EDIL3: variants seen among roughly 807,000 people sequenced by gnomAD.
EDIL3 encodes EGF like and discoidin domains 3, also known as EGF-like repeat and discoidin I-like domain-containing protein 3.
Under a neutral mutation model 67.4 loss-of-function variants are expected in EDIL3, and 37 were observed. That is an observed-to-expected ratio of 0.55 (90% CI 0.42 to 0.72). The LOEUF is 0.72. Among genes scored for constraint, EDIL3 ranks in the 30% least tolerant of loss-of-function variants. The pLI is 0.00. For missense variants in EDIL3, 527 were observed against 586.3 expected, an observed-to-expected ratio of 0.90 and a Z score of 1.04; for synonymous variants, 195 against 196.3, an observed-to-expected ratio of 0.99 and a Z score of 0.05.
At chr5:84,265,022 T>G (rs1257384031) in intron 1 of EDIL3, among the ~76,000 whole-genome samples, 1 of 152,204 alleles carries the variant, frequency 6.6e-6, no homozygotes, top group East Asian at 1.9e-4. Flanking sequence ...TTGGTTAACT[T>G]GATCACTTAT....
At chr5:84,096,775 A>G (rs936277434) in intron 6 of EDIL3, among the ~76,000 whole-genome samples, 5 of 152,182 alleles carry the variant, frequency 3.3e-5, no homozygotes, top group African/African-American at 1.2e-4. Context: ...CTGTGCCCCC[A>G]TCCAAATCTC....
intron 1 of EDIL3, among the ~76,000 whole-genome samples, chr5:84,318,663 G>A (rs1254299087): frequency 5.3e-5 from 8 of 152,060 alleles, no homozygotes; most frequent in Admixed American, 1.3e-4. Flanking sequence ...AACTCAAGAT[G>A]GATTAAAGAT....
chr5:83,943,318 A>G lies in EDIL3; in HGVS notation c.*101T>C. On this transcript the variant is annotated 3_prime_UTR_variant, in exon 11 of 11. Coordinates refer to ENST00000296591, the MANE Select transcript of EDIL3 (RefSeq NM_005711.5). Reference sequence around the variant, plus strand: ...TAATTTGAGCACTTTTTCATGAAAAAAAAAAAAAAACCATTCAGTTTCCTA... The same window carrying G: ...TAATTTGAGCACTTTTTCATGAAAAGAAAAAAAAAACCATTCAGTTTCCTA... The G allele has an allele frequency of 6.5e-7, 1 of 1,527,438 alleles. No individual in the cohort carries two copies. Among genetic ancestry groups the G allele is most frequent in the Admixed American group, 2.1e-5 (1 of 46,844 alleles). 94.6% of individuals were successfully genotyped at this position (1,527,438 alleles called of 1,614,324 possible). A position where few individuals can be genotyped will look rare whatever the true frequency, so the allele number is the denominator to read the frequency against.
intron 9 of EDIL3, among the ~76,000 whole-genome samples, chr5:84,043,761 T>C (rs1300779079): frequency 6.6e-6 from 1 of 152,150 alleles, no homozygotes; most frequent in Non-Finnish European, 1.5e-5. Flanking sequence ...TATGTACACA[T>C]ATTATTAGAA....
At chr5:84,083,612 CT>C (rs369472994) in intron 6 of EDIL3, among the ~76,000 whole-genome samples, 1,654 of 151,308 alleles carry the variant, frequency 0.011, 29 homozygotes, top group African/African-American at 0.038. Context: ...TTTTTTTTAA[CT>C]TTTTAAGCCA....
chr5:84,376,527 A>G (rs780190523), intron 1 of EDIL3, among the ~76,000 whole-genome samples: 5 of 152,222 alleles, frequency 3.3e-5, no homozygotes, highest in African/African-American at 9.6e-5. Context: ...CTTGAATATT[A>G]TATTATCAAC....
chr5:84,348,618 GA>G (rs1747284094), intron 1 of EDIL3, among the ~76,000 whole-genome samples: 2 of 146,944 alleles, frequency 1.4e-5, no homozygotes, highest in African/African-American at 5.0e-5. Flanking sequence ...ACACCTGTTC[GA>G]AAATAAATAA....
chr5:83,975,455 C>T (rs1340015303), intron 9 of EDIL3, among the ~76,000 whole-genome samples: 1 of 151,776 alleles, frequency 6.6e-6, no homozygotes, highest in African/African-American at 2.4e-5. Flanking sequence ...CATATGTATT[C>T]AAGATTTTAA....
chr5:83,947,289 G>A (rs1289888481), intron 10 of EDIL3, among the ~76,000 whole-genome samples: 2 of 151,450 alleles, frequency 1.3e-5, no homozygotes, highest in African/African-American at 4.9e-5. Flanking sequence ...TCTGTACACT[G>A]ACCTGCTGTT....
At chr5:84,293,149 T>C (rs561061394) in intron 1 of EDIL3, among the ~76,000 whole-genome samples, 3 of 152,226 alleles carry the variant, frequency 2.0e-5, no homozygotes, top group Non-Finnish European at 4.4e-5. Flanking sequence ...TTTGTTACAT[T>C]TGCAGCCTGG....
intron 2 of EDIL3, among the ~76,000 whole-genome samples, chr5:84,237,382 T>C (rs530195633): frequency 1.1e-4 from 16 of 152,184 alleles, no homozygotes; most frequent in African/African-American, 3.1e-4. Flanking sequence ...ACTTAATGAT[T>C]AAGAGTGTTG....
chr5:84,185,530 T>C (rs1438495218), intron 3 of EDIL3, among the ~76,000 whole-genome samples: 1 of 152,176 alleles, frequency 6.6e-6, no homozygotes, highest in Non-Finnish European at 1.5e-5. Flanking sequence ...ACAGTAGGTG[T>C]TTGATACATT....
At chr5:84,121,968 G>A (rs965306806) in intron 5 of EDIL3, among the ~76,000 whole-genome samples, 1 of 151,916 alleles carries the variant, frequency 6.6e-6, no homozygotes, top group South Asian at 2.1e-4. Context: ...ATCTTATAAA[G>A]AGCCTGGAAG....
At chr5:83,961,176 C>G (rs1036602454) in intron 10 of EDIL3, among the ~76,000 whole-genome samples, 1 of 150,924 alleles carries the variant, frequency 6.6e-6, no homozygotes, top group African/African-American at 2.4e-5. Flanking sequence ...ATCAAAAGGA[C>G]ATTAAAAATC....
chr5:84,373,101 G>T (rs767337446), intron 1 of EDIL3, among the ~76,000 whole-genome samples: 1 of 151,846 alleles, frequency 6.6e-6, no homozygotes, highest in Non-Finnish European at 1.5e-5. Flanking sequence ...CTCTAAAAAC[G>T]CCCAGTTTTA....
chr5:84,304,378 C>T (rs529662175), intron 1 of EDIL3, among the ~76,000 whole-genome samples: 20 of 152,276 alleles, frequency 1.3e-4, no homozygotes, highest in African/African-American at 4.8e-4. Context: ...GAGTATGGAG[C>T]TTTCTCAATG....
intron 4 of EDIL3, among the ~76,000 whole-genome samples, chr5:84,161,232 T>C (rs347349): frequency 0.37 from 55,532 of 151,868 alleles, 11,005 homozygotes; most frequent in East Asian, 0.74. Flanking sequence ...TTTCTTTATC[T>C]ACTCATTGAT....
At chr5:84,140,600 A>C (rs1227203467) in intron 4 of EDIL3, among the ~76,000 whole-genome samples, 1 of 118,610 alleles carries the variant, frequency 8.4e-6, no homozygotes, top group African/African-American at 3.3e-5. Context: ...CCAGAGGTTA[A>C]GATGAAGTGG....
At chr5:84,199,428 T>C (rs1285599415) in intron 3 of EDIL3, among the ~76,000 whole-genome samples, 3 of 151,924 alleles carry the variant, frequency 2.0e-5, no homozygotes, top group Non-Finnish European at 1.5e-5. Context: ...GACAATACTT[T>C]GTAATGAACT....
Sources: allele counts gnomAD v4.1 joint callset (sites outside exome capture counted in the v4.1 genomes callset), GRCh38; gene constraint gnomAD v4.1.1; transcripts MANE v1.5; gene names NCBI Gene and HGNC (gene_info 2026-07-23, HGNC 2026-07-21).